The following LOC128462377 variants were observed in gnomAD, a reference collection of about 807,000 sequenced individuals.
At chr16:89,363,260 T>G in the LOC128462377 span, among the ~76,000 whole-genome samples, 4 of 152,324 alleles carry the variant, frequency 2.6e-5, no homozygotes, top group African/African-American at 9.6e-5. Flanking sequence ...CTCTGCCTTC[T>G]GAAGCAGTCT....
chr16:89,408,047 T>C, the LOC128462377 span, among the ~76,000 whole-genome samples: 1 of 152,142 alleles, frequency 6.6e-6, no homozygotes, highest in Non-Finnish European at 1.5e-5. Flanking sequence ...GTAGTGCCCC[T>C]GCCCTCAAGC....
At chr16:89,409,861 TG>T in the LOC128462377 span, among the ~76,000 whole-genome samples, 1 of 152,142 alleles carries the variant, frequency 6.6e-6, no homozygotes, top group East Asian at 1.9e-4. Flanking sequence ...TTTTTTGAGA[TG>T]GGAGTCTCGC....
chr16:89,327,427 A>G, the LOC128462377 span, among the ~76,000 whole-genome samples: 23 of 152,278 alleles, frequency 1.5e-4, no homozygotes, highest in African/African-American at 5.3e-4. Flanking sequence ...ATGGAATAAA[A>G]CTGTCTCTCT....
At chr16:89,399,901 C>T in the LOC128462377 span, among the ~76,000 whole-genome samples, 1 of 152,316 alleles carries the variant, frequency 6.6e-6, no homozygotes, top group South Asian at 2.1e-4. Flanking sequence ...TCCCAGAGCA[C>T]AGGAAGGTCC....
chr16:89,371,259 G>A, the LOC128462377 span, among the ~76,000 whole-genome samples: 2 of 152,202 alleles, frequency 1.3e-5, no homozygotes, highest in Admixed American at 6.5e-5. Flanking sequence ...CCTACACAGA[G>A]AGGCAGGTTC....
chr16:89,376,792 A>G, the LOC128462377 span, among the ~76,000 whole-genome samples: 14 of 152,348 alleles, frequency 9.2e-5, no homozygotes, highest in East Asian at 2.3e-3. Context: ...GGCGAAAAAA[A>G]TCCTGTAAGA....
chr16:89,339,800 T>A, the LOC128462377 span: 4 of 152,224 alleles, frequency 2.6e-5, no homozygotes, highest in African/African-American at 4.8e-5. Flanking sequence ...AGCCCCACCC[T>A]GCTGTGGCTG....
the LOC128462377 span, among the ~76,000 whole-genome samples, chr16:89,366,590 G>A: frequency 4.6e-3 from 697 of 152,342 alleles, 8 homozygotes; most frequent in South Asian, 0.033. Context: ...TCCACTCGCT[G>A]AAATCAGCAG....
chr16:89,410,090 C>T, the LOC128462377 span, among the ~76,000 whole-genome samples: 6 of 152,190 alleles, frequency 3.9e-5, no homozygotes, highest in East Asian at 5.8e-4. Flanking sequence ...CCGCCCGCCT[C>T]GGCCTCCCAA....
At chr16:89,390,803 C>T in the LOC128462377 span, among the ~76,000 whole-genome samples, 1 of 152,160 alleles carries the variant, frequency 6.6e-6, no homozygotes, top group Non-Finnish European at 1.5e-5. Flanking sequence ...GGAGGAGGTT[C>T]CTGGAGCTCT....
the LOC128462377 span, among the ~76,000 whole-genome samples, chr16:89,381,269 T>C: frequency 7.0e-6 from 1 of 142,426 alleles, no homozygotes; most frequent in African/African-American, 2.7e-5. Flanking sequence ...GAGGCGGAGG[T>C]TGCAGTGAGG....
the LOC128462377 span, among the ~76,000 whole-genome samples, chr16:89,331,097 G>A: frequency 6.6e-6 from 1 of 152,216 alleles, no homozygotes; most frequent in South Asian, 2.1e-4. Flanking sequence ...GGGACTACAG[G>A]TGCCTGCCAC....
the LOC128462377 span, among the ~76,000 whole-genome samples, chr16:89,416,376 T>C: frequency 1.3e-5 from 2 of 152,078 alleles, no homozygotes; most frequent in Non-Finnish European, 2.9e-5. Context: ...CTTGGCTCAC[T>C]GAAACCTCCG....
the LOC128462377 span, among the ~76,000 whole-genome samples, chr16:89,369,905 T>C: frequency 6.6e-6 from 1 of 152,202 alleles, no homozygotes; most frequent in Non-Finnish European, 1.5e-5. Context: ...CATCTATGGT[T>C]ATCTCAGAAG....
the LOC128462377 span, chr16:89,324,562 A>C: frequency 1.9e-3 from 864 of 455,360 alleles, 7 homozygotes; most frequent in African/African-American, 0.016. Context: ...GAGGCCGACG[A>C]ACCCTCCATC....
chr16:89,327,748 C>G, the LOC128462377 span, among the ~76,000 whole-genome samples: 1 of 152,044 alleles, frequency 6.6e-6, no homozygotes, highest in African/African-American at 2.4e-5. Flanking sequence ...AAAATAAATG[C>G]TTAGGTTCAT....
the LOC128462377 span, among the ~76,000 whole-genome samples, chr16:89,319,759 G>T: frequency 6.6e-6 from 1 of 152,212 alleles, no homozygotes. Context: ...CACCTCCCAG[G>T]ACCCGCCTGC....
At chr16:89,323,358 C>T in the LOC128462377 span, 1 of 1,287,020 alleles carries the variant, frequency 7.8e-7, no homozygotes, top group South Asian at 1.2e-5. Flanking sequence ...CACCACTGGC[C>T]TCTCACCTCT....
the LOC128462377 span, among the ~76,000 whole-genome samples, chr16:89,362,899 G>A: frequency 6.6e-6 from 1 of 151,950 alleles, no homozygotes; most frequent in Admixed American, 6.6e-5. Flanking sequence ...AGCCAATCGG[G>A]ACAAATACAG....
Sources: gnomAD v4.1 joint callset for allele counts (sites outside exome capture counted in the v4.1 genomes callset) on GRCh38, gnomAD v4.1.1 for gene constraint, MANE v1.5 for transcripts.